The following WWOX variants were observed in gnomAD, a reference collection of about 807,000 sequenced individuals.
WWOX encodes the protein WW domain containing oxidoreductase, also known as WW domain-containing oxidoreductase.
Under a neutral mutation model 46.2 loss-of-function variants are expected in WWOX, and 69 were observed. The ratio of observed to expected loss-of-function variants is 1.49; its 90% CI spans 1.23 to 1.82. The LOEUF is 1.82. Among genes scored for constraint, WWOX ranks in the 40% most tolerant of loss-of-function variants. WWOX has a pLI of 0.00. For synonymous variants in WWOX, 359 were observed against 202.6 expected, an observed-to-expected ratio of 1.77 and a Z score of -6.56; for missense variants, 919 against 542.6, an observed-to-expected ratio of 1.69 and a Z score of -6.89.
intron 8 of WWOX, among the ~76,000 whole-genome samples, chr16:78,615,265 G>A (rs1280346193): frequency 5.3e-5 from 8 of 152,148 alleles, no homozygotes; most frequent in Non-Finnish European, 1.0e-4. Flanking sequence ...CTAAGTTTCA[G>A]GCTCTGCTAC....
chr16:78,927,026 G>C (rs1414100804), intron 8 of WWOX, among the ~76,000 whole-genome samples: 1 of 152,126 alleles, frequency 6.6e-6, no homozygotes, highest in Non-Finnish European at 1.5e-5. Flanking sequence ...AAACTCTTGA[G>C]CTCAAGCCAT....
In WWOX at chr16:78,263,996, C is replaced by CTTTTT. The variant is rs757195574; in HGVS notation, c.516+99722_516+99726dup. Among the ~76,000 whole-genome samples the CTTTTT allele has an allele frequency of 3.0e-3, 236 of 78,784 alleles. 37 individuals carry two copies. Among genetic ancestry groups the CTTTTT allele is most frequent in the Admixed American group, 3.5e-3 (23 of 6,508 alleles). The allele number at this position is 78,784 out of a possible 152,430, so 51.7% of individuals were successfully genotyped here. A position where few individuals can be genotyped will look rare whatever the true frequency, so the allele number is the denominator to read the frequency against. ...AGAAATATGTGTTTGGCTGTGAAAT[C>CTTTTT]TTTTTTTTTTTTTTTTTTTGTTTTT... On this transcript the variant is annotated intron_variant, in intron 5 of 8. Transcript: ENST00000566780.
In WWOX at chr16:78,425,112, C is replaced by T; in HGVS notation, c.791+57C>T. 1.9e-6 allele frequency: 3 copies of T among 1,598,514 alleles called. No individual in the cohort carries two copies. The Admixed American group carries it at 5.0e-5, about 27-fold the overall frequency. On this transcript the variant is annotated intron_variant, in intron 7 of 8. Coordinates refer to ENST00000566780, the MANE Select transcript of WWOX (RefSeq NM_016373.4). Reference sequence around the variant, plus strand: ...CCCCTTTCTCATACCAGCTAATATTCCCCCAAGGCTCTCATTCTGAAAATA... The same window carrying T: ...CCCCTTTCTCATACCAGCTAATATTTCCCCAAGGCTCTCATTCTGAAAATA...
intron 8 of WWOX, among the ~76,000 whole-genome samples, chr16:78,824,192 TCA>T: frequency 6.6e-6 from 1 of 152,240 alleles, no homozygotes; most frequent in East Asian, 1.9e-4. Flanking sequence ...AAAATAACTC[TCA>T]TTTTGCTTTT....
chr16:78,778,535 G>A (rs1484172300), intron 8 of WWOX, among the ~76,000 whole-genome samples: 1 of 152,122 alleles, frequency 6.6e-6, no homozygotes, highest in African/African-American at 2.4e-5. Context: ...TCACAATTTG[G>A]GTGAGTGTTC....
chr16:78,955,896 C>G (rs553877504), intron 8 of WWOX, among the ~76,000 whole-genome samples: 6 of 152,046 alleles, frequency 3.9e-5, no homozygotes, highest in South Asian at 2.1e-4. Context: ...TCCCATCCCC[C>G]CTCAGCCTCC....
Position 79,149,081 on chromosome 16 carries a change from T to G in WWOX, c.1057-62527T>G, listed in dbSNP as rs367850182. Among the ~76,000 whole-genome samples, 51 of 152,164 alleles carry G rather than the reference T, an allele frequency of 3.4e-4. 1 individual carries two copies. The highest frequency in any genetic ancestry group is 1.5e-3 in the East Asian group (8 of 5,180). On this transcript the variant is annotated intron_variant, in intron 8 of 8. Transcript: ENST00000566780. ...CTTCCTGTGCTATGTTGAACAAGAG[T>G]AGTGAGAACATCCTTGCCTTGCTCC...
intron 8 of WWOX, among the ~76,000 whole-genome samples, chr16:78,462,230 C>G (rs1372856533): frequency 6.6e-6 from 1 of 151,606 alleles, no homozygotes; most frequent in Non-Finnish European, 1.5e-5. Context: ...ATCTTTCTCT[C>G]TTGCTCACGC....
intron 6 of WWOX, among the ~76,000 whole-genome samples, chr16:78,392,046 G>C (rs2082185903): frequency 6.6e-6 from 1 of 150,976 alleles, no homozygotes; most frequent in Non-Finnish European, 1.5e-5. Flanking sequence ...AGATTTAAGG[G>C]ACCAGGGTGT....
At chr16:78,256,851 T>C (rs2038145142) in intron 5 of WWOX, among the ~76,000 whole-genome samples, 1 of 152,086 alleles carries the variant, frequency 6.6e-6, no homozygotes. Context: ...CTCTATCATT[T>C]CGTAGTCTAT....
intron 8 of WWOX, among the ~76,000 whole-genome samples, chr16:78,714,400 T>G (rs1188532035): frequency 1.3e-5 from 2 of 151,948 alleles, no homozygotes; most frequent in Non-Finnish European, 2.9e-5. Context: ...TCGTGAGACT[T>G]ATTCACTGTC....
chr16:78,271,376 A>G (rs1329544044), intron 5 of WWOX, among the ~76,000 whole-genome samples: 2 of 152,094 alleles, frequency 1.3e-5, no homozygotes, highest in African/African-American at 4.8e-5. Context: ...AAACATAACC[A>G]CAGTGTGCTG....
At chr16:78,119,331 G>C (rs150615038) in intron 4 of WWOX, among the ~76,000 whole-genome samples, 1 of 152,286 alleles carries the variant, frequency 6.6e-6, no homozygotes, top group Non-Finnish European at 1.5e-5. Context: ...ATTGAGGAAG[G>C]TCCCTGCTTC....
intron 5 of WWOX, among the ~76,000 whole-genome samples, chr16:78,218,408 C>A (rs2036789883): frequency 6.6e-6 from 1 of 152,008 alleles, no homozygotes; most frequent in Admixed American, 6.6e-5. Context: ...TTCTTAATGT[C>A]TTTGACAATT....
intron 8 of WWOX, among the ~76,000 whole-genome samples, chr16:78,686,016 CA>C (rs1447150616): frequency 5.9e-5 from 9 of 151,768 alleles, no homozygotes; most frequent in African/African-American, 1.9e-4. Context: ...AACAAAAGGG[CA>C]GGAAAGGAAG....
chr16:78,213,250 CAA>C (rs3041524), intron 5 of WWOX, among the ~76,000 whole-genome samples: 1,102 of 96,996 alleles, frequency 0.011, 9 homozygotes, highest in African/African-American at 0.028. Context: ...GACTGTATCT[CAA>C]AAAAAAAAAA....
chr16:79,006,810 A>C (rs1250490067), intron 8 of WWOX, among the ~76,000 whole-genome samples: 3 of 152,136 alleles, frequency 2.0e-5, no homozygotes, highest in African/African-American at 7.2e-5. Context: ...AGCCAACAGC[A>C]CCTGGCTGAG....
intron 8 of WWOX, among the ~76,000 whole-genome samples, chr16:78,854,796 G>A (rs2151184242): frequency 6.6e-6 from 1 of 152,240 alleles, no homozygotes; most frequent in Admixed American, 6.5e-5. Flanking sequence ...TGGCCAGGCT[G>A]GTGTTGAACC....
intron 8 of WWOX, among the ~76,000 whole-genome samples, chr16:78,629,943 C>A (rs2550609): frequency 6.6e-6 from 1 of 151,906 alleles, no homozygotes; most frequent in Non-Finnish European, 1.5e-5. Context: ...ATTATCCAAA[C>A]TCAGTTAATT....
Sources: gnomAD v4.1 joint callset for allele counts (sites outside exome capture counted in the v4.1 genomes callset) on GRCh38, gnomAD v4.1.1 for gene constraint, MANE v1.5 for transcripts, NCBI Gene and HGNC (gene_info 2026-07-23, HGNC 2026-07-21) for gene names.